The following TJP1 variants were observed in gnomAD, a reference collection of about 807,000 sequenced individuals.
The protein encoded by TJP1 is tight junction protein 1, also known as tight junction protein ZO-1.
Under a neutral mutation model 194.2 loss-of-function variants are expected in TJP1, and 43 were observed. That is an observed-to-expected ratio of 0.22 (90% CI 0.17 to 0.29). The LOEUF (loss-of-function observed/expected upper bound fraction) is 0.29. TJP1 is among the 10% of genes least tolerant of loss of function. The pLI, the probability that TJP1 is intolerant of heterozygous loss-of-function variation, is 1.00. For missense variants in TJP1, 1,971 were observed against 2,185.7 expected, an observed-to-expected ratio of 0.90 and a Z score of 1.96; for synonymous variants, 801 against 779.0, an observed-to-expected ratio of 1.03 and a Z score of -0.47.
chr15:29,937,011 C>T (rs955579164), intron 2 of TJP1, among the ~76,000 whole-genome samples: 1 of 152,128 alleles, frequency 6.6e-6, no homozygotes, highest in East Asian at 1.9e-4. Context: ...TCATTAACTA[C>T]TTATTTTAAG....
intron 1 of TJP1, among the ~76,000 whole-genome samples, chr15:29,815,280 A>G (rs28461632): frequency 0.013 from 1,929 of 152,284 alleles, 44 homozygotes; most frequent in African/African-American, 0.045. Context: ...GCAACACACC[A>G]ATTTTATAGG....
chr15:29,902,834 G>A (rs955886791), intron 2 of TJP1, among the ~76,000 whole-genome samples: 9 of 152,102 alleles, frequency 5.9e-5, no homozygotes, highest in Non-Finnish European at 1.2e-4. Flanking sequence ...AACAGATCGA[G>A]ACCATCCTGG....
At chr15:29,918,109 C>A (rs866247568) in intron 2 of TJP1, among the ~76,000 whole-genome samples, 1 of 152,170 alleles carries the variant, frequency 6.6e-6, no homozygotes, top group South Asian at 2.1e-4. Context: ...ACTCACTTCA[C>A]GCAGCATAAT....
intron 1 of TJP1, among the ~76,000 whole-genome samples, chr15:29,956,898 T>A (rs929974872): frequency 6.6e-6 from 1 of 151,890 alleles, no homozygotes; most frequent in Non-Finnish European, 1.5e-5. Flanking sequence ...AAGGTTTTTT[T>A]TTAAAAAAAG....
chr15:29,718,837 G>A lies in TJP1; in HGVS notation c.3305C>T (p.Ser1102Phe). The change falls in exon 21 of 28, where the codon TCT becomes TTT. Residue 1102 changes from serine to phenylalanine, a missense_variant. Ser to Phe is a radical substitution (Grantham distance 155, BLOSUM62 -2). This residue lies in a region of TJP1 where 1,108 missense variants were observed against 1,128.5 expected (regional missense o/e 0.98). Transcript: ENST00000614355. ...GTGCTGATTATCAAAAGGTGGCCGA[G>A]ATGGGTAGGGCTGTTTGTCATCATA... Reference protein sequence around the residue: ...SYYDDKQPYPSRPPFDNQHSQ... With the variant: ...SYYDDKQPYPFRPPFDNQHSQ... 1 of 1,614,204 alleles carries A rather than the reference G, an allele frequency of 6.2e-7. No individual in the cohort carries two copies. The highest frequency in any genetic ancestry group is 8.5e-7 in the Non-Finnish European group (1 of 1,180,040).
intron 2 of TJP1, among the ~76,000 whole-genome samples, chr15:29,915,435 T>C (rs1292888062): frequency 6.6e-6 from 1 of 152,188 alleles, no homozygotes; most frequent in Non-Finnish European, 1.5e-5. Flanking sequence ...TCAGCCAACA[T>C]CACTCCCATT....
In TJP1 at chr15:29,718,606, G is replaced by A. The variant is rs765037999; in HGVS notation, c.3536C>T (p.Pro1179Leu). ...CTCTGCAGGCTTGGGCCCTGCTGAA[G>A]GGTGGGGCTGGGCTTCCGGTCTGAG... ...GRLRPEAQPH[P>L]SAGPKPAESK... Residue 1179 changes from proline to leucine, a missense_variant, in exon 21 of 28, where the codon CCT (proline) becomes CTT (leucine). Transcript: ENST00000614355. The A allele has an allele frequency of 6.2e-7, 1 of 1,614,220 alleles. No homozygotes were observed. The highest frequency in any genetic ancestry group is 1.7e-5 in the Admixed American group (1 of 60,030).
chr15:29,920,533 C>G (rs1162380331), intron 2 of TJP1, among the ~76,000 whole-genome samples: 2 of 152,176 alleles, frequency 1.3e-5, no homozygotes. Context: ...ATGACTAGTT[C>G]CCCGCCAGAA....
chr15:29,950,513 C>A (rs1244345460), intron 2 of TJP1, among the ~76,000 whole-genome samples: 4 of 152,200 alleles, frequency 2.6e-5, no homozygotes, highest in Non-Finnish European at 5.9e-5. Context: ...ACCACCATAA[C>A]CACTCAATCA....
intron 8 of TJP1, among the ~76,000 whole-genome samples, chr15:29,754,401 A>G (rs2151467503): frequency 6.6e-6 from 1 of 152,292 alleles, no homozygotes; most frequent in South Asian, 2.1e-4. Context: ...AGAACAAGAG[A>G]AAACTATTGG....
intron 2 of TJP1, among the ~76,000 whole-genome samples, chr15:29,894,823 G>A (rs998672453): frequency 2.7e-4 from 41 of 152,230 alleles, no homozygotes; most frequent in Non-Finnish European, 5.7e-4. Context: ...TACCTGCAAA[G>A]ATGGCACTGC....
At chr15:29,822,991 T>C (rs2050523712), upstream of TJP1, 1 of 152,276 alleles carries the variant, frequency 6.6e-6, no homozygotes, top group Admixed American at 6.5e-5. Flanking sequence ...GTCAGAAGCG[T>C]TGCTCTCGTT....
At chr15:29,957,278 T>C (rs2055982718) in intron 1 of TJP1, among the ~76,000 whole-genome samples, 1 of 152,190 alleles carries the variant, frequency 6.6e-6, no homozygotes, top group Admixed American at 6.5e-5. Flanking sequence ...TAAAATAGAC[T>C]AGATATGGCT....
At position 29,953,023 on chromosome 15, in the gene TJP1, T is replaced by C. The variant is rs1433001846; in HGVS notation, c.306+3209A>G. Among the ~76,000 whole-genome samples the C allele has an allele frequency of 2.6e-5, 4 of 152,232 alleles. No individual in the cohort carries two copies. The East Asian group carries it at 7.7e-4, about 29-fold the overall frequency. ...GGTTCTACATGATTATATTACAAAGTCAACTTCCTTAGAAAAACAATTCTG... is the reference window on the plus strand; with the variant it reads ...GGTTCTACATGATTATATTACAAAGCCAACTTCCTTAGAAAAACAATTCTG... On this transcript the variant is annotated intron_variant, in intron 2 of 28. Coordinates refer to the TJP1 transcript ENST00000356107.
chr15:29,817,123 T>C (rs1168862539), intron 1 of TJP1, among the ~76,000 whole-genome samples: 1 of 151,866 alleles, frequency 6.6e-6, no homozygotes, highest in Non-Finnish European at 1.5e-5. Flanking sequence ...AAAACAAATA[T>C]CCGTATCAAA....
intron 4 of TJP1, among the ~76,000 whole-genome samples, chr15:29,768,330 G>A (rs1343413617): frequency 1.3e-5 from 2 of 152,216 alleles, no homozygotes; most frequent in Non-Finnish European, 2.9e-5. Context: ...AGTCCTTATA[G>A]GGTAATATTT....
intron 1 of TJP1, among the ~76,000 whole-genome samples, chr15:29,965,186 CATTTATTTATTT>C (rs58512547): frequency 0.2 from 29,946 of 148,260 alleles, 3,420 homozygotes; most frequent in East Asian, 0.39. Context: ...TACATCCTCA[CATTTATTTATTT>C]ATTTATTTAT....
At chr15:29,888,436 C>T (rs1418380397) in intron 2 of TJP1, among the ~76,000 whole-genome samples, 3 of 152,112 alleles carry the variant, frequency 2.0e-5, no homozygotes, top group Non-Finnish European at 4.4e-5. Context: ...GCTAAGACAT[C>T]AATGTATTAT....
At chr15:29,741,300 A>G in intron 10 of TJP1, 31 bp downstream of exon 10, 1 of 1,505,242 alleles carries the variant, frequency 6.6e-7, no homozygotes, top group East Asian at 2.3e-5. Flanking sequence ...TAATGAACAA[A>G]GAAAACAATA....
Sources: allele counts gnomAD v4.1 joint callset (sites outside exome capture counted in the v4.1 genomes callset), GRCh38; gene constraint gnomAD v4.1.1; regional missense constraint gnomAD v4.1.1; transcripts MANE v1.5; gene names NCBI Gene and HGNC (gene_info 2026-07-23, HGNC 2026-07-21).